SCAND3: variants seen among roughly 807,000 people sequenced by gnomAD.
SCAND3 encodes the protein SCAN domain-containing protein 3.
chr6:28,585,246 C>T, the SCAND3 span: 1 of 152,164 alleles, frequency 6.6e-6, no homozygotes, highest in East Asian at 1.9e-4. Context: ...TACTCACTAG[C>T]AGAAATTTTA....
At chr6:28,574,125 A>G in the SCAND3 span, among the ~76,000 whole-genome samples, 2 of 152,134 alleles carry the variant, frequency 1.3e-5, no homozygotes, top group African/African-American at 4.8e-5. Context: ...ATTGGTCTAT[A>G]TTCTATTCAG....
chr6:28,614,695 C>T, the SCAND3 span, among the ~76,000 whole-genome samples: 1 of 149,658 alleles, frequency 6.7e-6, no homozygotes, highest in African/African-American at 2.5e-5. Context: ...GAACTCCTGG[C>T]CTCAAGCAAT....
At chr6:28,600,297 A>T in the SCAND3 span, among the ~76,000 whole-genome samples, 26 of 152,208 alleles carry the variant, frequency 1.7e-4, no homozygotes, top group Non-Finnish European at 1.5e-5. Context: ...GGCTAAGCTT[A>T]TTTATAGATT....
the SCAND3 span, among the ~76,000 whole-genome samples, chr6:28,576,961 A>C: frequency 6.6e-6 from 1 of 152,048 alleles, no homozygotes; most frequent in Admixed American, 6.6e-5. Context: ...AGATTTTTAA[A>C]AAAATCTCCA....
chr6:28,580,314 C>T, the SCAND3 span, among the ~76,000 whole-genome samples: 122 of 152,036 alleles, frequency 8.0e-4, no homozygotes, highest in Non-Finnish European at 1.5e-3. Flanking sequence ...ATTAGCCAGA[C>T]GAGGTGGTGC....
the SCAND3 span, among the ~76,000 whole-genome samples, chr6:28,600,751 A>G: frequency 0.38 from 58,197 of 152,066 alleles, 13,259 homozygotes; most frequent in African/African-American, 0.64. Context: ...GCATAACTGG[A>G]AAAATTGAAC....
chr6:28,571,250 G>C, the SCAND3 span: 1 of 152,188 alleles, frequency 6.6e-6, no homozygotes, highest in African/African-American at 2.4e-5. Context: ...GGAGGTACAG[G>C]TTGCAGTGAG....
the SCAND3 span, among the ~76,000 whole-genome samples, chr6:28,581,057 C>G: frequency 1.3e-5 from 2 of 152,050 alleles, no homozygotes; most frequent in Admixed American, 1.3e-4. Context: ...TGGAAAGAAG[C>G]TGAGTGCAGT....
At chr6:28,572,076 G>A in the SCAND3 span, 15 of 1,613,900 alleles carry the variant, frequency 9.3e-6, no homozygotes, top group African/African-American at 1.3e-5. This position sits in a 1 kb window ranked among gnomAD's most constrained non-coding sequence, Gnocchi z 4.1. Flanking sequence ...ATGTTGAGGG[G>A]AAAAGAAGCA....
the SCAND3 span, among the ~76,000 whole-genome samples, chr6:28,601,389 T>C: frequency 3.9e-5 from 6 of 152,202 alleles, no homozygotes; most frequent in Non-Finnish European, 7.3e-5. Flanking sequence ...GGAAAGTCAT[T>C]ACACCATTCT....
chr6:28,575,257 A>T, the SCAND3 span: 1 of 1,613,944 alleles, frequency 6.2e-7, no homozygotes, highest in Non-Finnish European at 8.5e-7. This position sits in a 1 kb window ranked among gnomAD's most constrained non-coding sequence, Gnocchi z 4.2. Context: ...CCAGGAGAAA[A>T]TCCTCTTTCG....
chr6:28,581,063 G>A, the SCAND3 span, among the ~76,000 whole-genome samples: 2 of 152,248 alleles, frequency 1.3e-5, no homozygotes, highest in East Asian at 1.9e-4. Context: ...GAAGCTGAGT[G>A]CAGTAGCTGA....
the SCAND3 span, among the ~76,000 whole-genome samples, chr6:28,595,195 C>CAAAAA: frequency 5.0e-4 from 8 of 16,118 alleles, 2 homozygotes; most frequent in African/African-American, 1.1e-3. Context: ...CCGTCACTAC[C>CAAAAA]AAAAAAAAAA....
the SCAND3 span, among the ~76,000 whole-genome samples, chr6:28,612,493 C>T: frequency 6.6e-6 from 1 of 152,158 alleles, no homozygotes; most frequent in Non-Finnish European, 1.5e-5. Flanking sequence ...CATTTATATA[C>T]ACTATATACA....
At chr6:28,613,276 A>G in the SCAND3 span, among the ~76,000 whole-genome samples, 1 of 152,162 alleles carries the variant, frequency 6.6e-6, no homozygotes, top group African/African-American at 2.4e-5. Flanking sequence ...TAGAGAGCAC[A>G]CTGTTCAGAG....
chr6:28,582,794 G>T, the SCAND3 span, among the ~76,000 whole-genome samples: 1 of 151,920 alleles, frequency 6.6e-6, no homozygotes, highest in Non-Finnish European at 1.5e-5. The surrounding 1 kb of genome is among the most constrained non-coding windows in gnomAD (Gnocchi z 4.8). Context: ...GGTGGCGCTT[G>T]CCTGTAAATC....
At chr6:28,590,371 A>C in the SCAND3 span, 3 of 152,298 alleles carry the variant, frequency 2.0e-5, no homozygotes, top group African/African-American at 7.2e-5. Context: ...GGTCAAGAAC[A>C]GAAAATGTAG....
chr6:28,613,116 C>G, the SCAND3 span, among the ~76,000 whole-genome samples: 1 of 152,012 alleles, frequency 6.6e-6, no homozygotes, highest in African/African-American at 2.4e-5. Context: ...CTCATTTGTC[C>G]AGTATATACA....
chr6:28,610,247 C>T, the SCAND3 span, among the ~76,000 whole-genome samples: 1 of 152,072 alleles, frequency 6.6e-6, no homozygotes, highest in African/African-American at 2.4e-5. Flanking sequence ...AGAGGCCAAG[C>T]ATGGTGGCTC....
Sources: gnomAD v4.1 joint callset for allele counts (sites outside exome capture counted in the v4.1 genomes callset) on GRCh38, gnomAD v4.1.1 for gene constraint, Gnocchi (gnomAD v3.1) non-coding constraint, MANE v1.5 for transcripts, NCBI Gene and HGNC (gene_info 2026-07-23, HGNC 2026-07-21) for gene names.